The following MYO1C variants were observed in gnomAD, a reference collection of about 807,000 sequenced individuals.
The protein encoded by MYO1C is myosin IC.
In MYO1C, 104 loss-of-function variants were observed where a neutral mutation model predicts 150.8. The observed-to-expected ratio is 0.69, with a 90% CI of 0.59 to 0.81. The LOEUF (loss-of-function observed/expected upper bound fraction) is 0.81. Ranked by LOEUF, MYO1C falls within the 30% of genes least tolerant of loss-of-function variation. The pLI is 0.00. For synonymous variants in MYO1C, 663 were observed against 579.9 expected, an observed-to-expected ratio of 1.14 and a Z score of -2.06; for missense variants, 1,504 against 1,435.0, an observed-to-expected ratio of 1.05 and a Z score of -0.78.
Position 1,465,576 on chromosome 17 carries a change from A to G in MYO1C, c.*150T>C, listed in dbSNP as rs1205053482. 1 of 853,712 alleles carries G rather than the reference A, an allele frequency of 1.2e-6. No individual in the cohort carries two copies. The highest frequency in any genetic ancestry group is 1.7e-6 in the Non-Finnish European group (1 of 605,328). The allele number at this position is 853,712 out of a possible 1,614,324, so 52.9% of individuals were successfully genotyped here. A position where few individuals can be genotyped will look rare whatever the true frequency, so the allele number is the denominator to read the frequency against. On this transcript the variant is annotated 3_prime_UTR_variant, in exon 32 of 32. Coordinates refer to ENST00000648651, the MANE Select transcript of MYO1C (RefSeq NM_001080779.2). ...GCTCCTGGCCCCTGCTGCTCCCTCA[A>G]GAGAGGGATGGGCAGGAGGTGGGAG...
chr17:1,480,520 GCC>G lies in MYO1C; in HGVS notation c.906+5_906+6del. On this transcript the variant is annotated splice_donor_5th_base_variant and intron_variant, in intron 7 of 31. Coordinates refer to ENST00000648651, the MANE Select transcript of MYO1C (RefSeq NM_001080779.2). ...GAGGAAAGCGAGGGTCCCGGAAGAGGCCTCACCTCCACTTCATCCTCGGTGAA... is the reference window on the plus strand; with the variant it reads ...GAGGAAAGCGAGGGTCCCGGAAGAGGTCACCTCCACTTCATCCTCGGTGAA... 6.2e-7 allele frequency: 1 copy of G among 1,607,944 alleles called. No homozygotes were observed.
intron 1 of MYO1C, among the ~76,000 whole-genome samples, chr17:1,488,359 C>T (rs1027753361): frequency 6.6e-5 from 10 of 152,214 alleles, no homozygotes; most frequent in Admixed American, 5.9e-4. Context: ...AACCCCCGGC[C>T]TGCCCCTCCT....
At chr17:1,484,977 C>A in intron 1 of MYO1C, 1 of 575,822 alleles carries the variant, frequency 1.7e-6, no homozygotes, top group Non-Finnish European at 3.0e-6. Flanking sequence ...CCTCCCACCC[C>A]AGCTGGGCTC....
At chr17:1,482,363 CTTTG>C (rs2074540496) in intron 5 of MYO1C, 111 bp downstream of exon 5, 1 of 981,776 alleles carries the variant, frequency 1.0e-6, no homozygotes, top group Non-Finnish European at 1.6e-6. Flanking sequence ...TTTTTGTTTG[CTTTG>C]TTTGACTGCT....
Position 1,479,560 on chromosome 17 carries a change from T to C in MYO1C, c.1020+32A>G, listed in dbSNP as rs927044167. 2.3e-4 allele frequency: 263 copies of C among 1,129,280 alleles called. No individual in the cohort carries two copies. Among genetic ancestry groups the C allele is most frequent in the Middle Eastern group, 4.2e-4 (2 of 4,722 alleles). 70.0% of individuals were successfully genotyped at this position (1,129,280 alleles called of 1,614,324 possible). On this transcript the variant is annotated intron_variant, in intron 8 of 31. Coordinates refer to ENST00000648651, the MANE Select transcript of MYO1C (RefSeq NM_001080779.2). The surrounding 1 kb of genome is among the most constrained non-coding windows in gnomAD (Gnocchi z 4.2). ...GCACCCCCAGCCCCCGCCCCCGCCG[T>C]CCTCCCGTCGCCCTCTGCCCGCCCC...
chr17:1,474,775 C>CCCCCCCCCCCCCCCCG, intron 16 of MYO1C, 37 bp downstream of exon 16: 3 of 1,521,266 alleles, frequency 2.0e-6, no homozygotes, highest in Non-Finnish European at 2.7e-6. Context: ...TGTGGGCTAT[C>CCCCCCCCCCCCCCCCG]CCCACCCCCA....
intron 6 of MYO1C, 27 bp downstream of exon 6, chr17:1,480,679 C>A: frequency 6.2e-7 from 1 of 1,614,028 alleles, no homozygotes; most frequent in Non-Finnish European, 8.5e-7. Context: ...CCCTGGGTGG[C>A]ACCTGCCCTC....
At position 1,478,446 on chromosome 17, in the gene MYO1C, A is replaced by G. The variant is rs1384548577; in HGVS notation, c.1259T>C (p.Leu420Pro). 6.2e-7 allele frequency: 1 copy of G among 1,614,214 alleles called. No homozygotes were observed. The highest frequency in any genetic ancestry group is 2.2e-5 in the East Asian group (1 of 44,886). Residue 420 changes from leucine to proline, a missense_variant, in exon 11 of 32, where the codon CTG (leucine) becomes CCG (proline). By Grantham distance (98) the Leu-to-Pro change is moderately conservative (BLOSUM62 -3). Coordinates refer to ENST00000648651, the MANE Select transcript of MYO1C (RefSeq NM_001080779.2). This position sits in a 1 kb window ranked among gnomAD's most constrained non-coding sequence, Gnocchi z 6.3. Reference sequence around the variant, plus strand: ...AAACACTTCAAAGCCATAAATATCCAGGAGCCCGAGAACCGTGGTGCTCCG... The same window carrying G: ...AAACACTTCAAAGCCATAAATATCCGGGAGCCCGAGAACCGTGGTGCTCCG... ...SWRSTTVLGL[L>P]DIYGFEVFQH...
chr17:1,481,371 C>G (rs914997227), intron 5 of MYO1C: 4 of 180,708 alleles, frequency 2.2e-5, no homozygotes, highest in African/African-American at 9.5e-5. Context: ...CTGCACCACA[C>G]TGGTCTGAGC....
chr17:1,474,774 T>TCCCC, intron 16 of MYO1C, 38 bp downstream of exon 16: 2 of 1,597,382 alleles, frequency 1.3e-6, no homozygotes, highest in Non-Finnish European at 1.7e-6. Context: ...CTGTGGGCTA[T>TCCCC]CCCCACCCCC....
chr17:1,483,571 G>C, intron 3 of MYO1C, 39 bp downstream of exon 3: 1 of 1,474,204 alleles, frequency 6.8e-7, no homozygotes. Flanking sequence ...CTCAGATGGA[G>C]ACAGAGGGGT....
intron 1 of MYO1C, among the ~76,000 whole-genome samples, chr17:1,487,998 G>C (rs2150969309): frequency 6.6e-6 from 1 of 152,324 alleles, no homozygotes; most frequent in African/African-American, 2.4e-5. Context: ...GGTGGGGAAC[G>C]TCCTAGAAGA....
rs746742698 is a variant in MYO1C, at chr17:1,472,032, AG to A, written c.1904-9del. 1.4e-5 allele frequency: 23 copies of A among 1,613,846 alleles called. 1 individual carries two copies. The South Asian group carries it at 1.6e-4, about 12-fold the overall frequency. ...GCACCTCGTCAAAGCGGCCTGGGGT[AG>A]GGGGAGCGCCGTGGTCAGCGGGCTG... On this transcript the variant is annotated splice_polypyrimidine_tract_variant and intron_variant, in intron 18 of 31. Coordinates refer to ENST00000648651, the MANE Select transcript of MYO1C (RefSeq NM_001080779.2).
Position 1,479,429 on chromosome 17 carries a change from AC to A in MYO1C, c.1092+1del. The A allele has an allele frequency of 7.2e-7, 1 of 1,387,818 alleles. No individual in the cohort carries two copies. The highest frequency in any genetic ancestry group is 1.0e-6 in the Non-Finnish European group (1 of 1,003,920). The allele number at this position is 1,387,818 out of a possible 1,614,324, so 86.0% of individuals were successfully genotyped here. A position where few individuals can be genotyped will look rare whatever the true frequency, so the allele number is the denominator to read the frequency against. ...CACCCGAGGGCAAGGGCCCGGCCTC[AC>A]CTCCTCCCCCTTGGCGATGATCTTC... On this transcript the variant is annotated splice_donor_variant, in intron 9 of 31. Transcript: ENST00000648651. LOFTEE classifies it high-confidence loss of function. The surrounding 1 kb of genome is among the most constrained non-coding windows in gnomAD (Gnocchi z 4.2).
chr17:1,466,737 C>T (rs538024319), intron 31 of MYO1C, among the ~76,000 whole-genome samples: 4 of 151,886 alleles, frequency 2.6e-5, no homozygotes, highest in South Asian at 2.1e-4. Flanking sequence ...GCAATTCTCC[C>T]GCCTCAGCCC....
chr17:1,467,280 G>C lies in MYO1C; in HGVS notation c.3127C>G (p.Leu1043Val). Residue 1043 changes from leucine (L) to valine (V), a missense_variant, in exon 31 of 32, where the codon CTG becomes GTG. Transcript: ENST00000648651. ...GTIDFTPGSE[L>V]LITKAKNGHL... ...CCGTTCTTGGCCTTGGTGATGAGCA[G>C]CTCCGAGCCGGGTGTGAAGTCAATG... The C allele has an allele frequency of 1.2e-6, 2 of 1,613,660 alleles. No homozygotes were observed. Among genetic ancestry groups the C allele is most frequent in the South Asian group, 1.1e-5 (1 of 90,988 alleles).
At chr17:1,477,738 G>A (rs2074429041) in intron 13 of MYO1C, 142 bp from the exon 14 acceptor site, 10 of 998,280 alleles carry the variant, frequency 1.0e-5, no homozygotes, top group Middle Eastern at 5.6e-4. Flanking sequence ...CAACTGGGGC[G>A]GCACCTCCCT....
chr17:1,484,640 G>C (rs1032560343), intron 1 of MYO1C: 8 of 495,616 alleles, frequency 1.6e-5, no homozygotes, highest in Middle Eastern at 5.6e-4. Context: ...GGAGGTGCTG[G>C]TTTTGGGTGG....
At position 1,471,234 on chromosome 17, in the gene MYO1C, G is replaced by C; in HGVS notation, c.2124C>G (p.Tyr708Ter). 1 of 1,613,928 alleles carries C rather than the reference G, an allele frequency of 6.2e-7. No homozygotes were observed. Among genetic ancestry groups the C allele is most frequent in the Non-Finnish European group, 8.5e-7 (1 of 1,179,972 alleles). The change falls in exon 20 of 32, where the codon TAC (tyrosine) becomes TAG (stop). Residue 708 changes from tyrosine (Y) to a stop codon, truncating the protein, a stop_gained. Coordinates refer to ENST00000648651, the MANE Select transcript of MYO1C (RefSeq NM_001080779.2). LOFTEE classifies it high-confidence loss of function. ...CGGACACTACCCACCTGCCCATCTT[G>C]TACTCTTCTGGCTTGTAGCCCAGGT... ...VRHLGYKPEE[Y>*]KMGRTKIFIR...
Sources: allele counts gnomAD v4.1 joint callset (sites outside exome capture counted in the v4.1 genomes callset), GRCh38; gene constraint gnomAD v4.1.1; non-coding constraint Gnocchi (gnomAD v3.1); transcripts MANE v1.5; gene names NCBI Gene and HGNC (gene_info 2026-07-23, HGNC 2026-07-21).